LRRC8D: variants seen among roughly 807,000 people sequenced by gnomAD.
The protein encoded by LRRC8D is volume-regulated anion channel subunit LRRC8D.
In LRRC8D, 20 loss-of-function variants were observed where a neutral mutation model predicts 55.8. That is an observed-to-expected ratio of 0.36 (90% CI 0.25 to 0.52). LRRC8D has a LOEUF of 0.52. Among genes scored for constraint, LRRC8D ranks in the 20% least tolerant of loss-of-function variants. LRRC8D has a pLI of 0.93. For missense variants in LRRC8D, 651 were observed against 1,030.8 expected (o/e 0.63, Z 5.05); for synonymous variants, 352 against 377.0 (o/e 0.93, Z 0.77).
At chr1:89,881,505 A>G (rs1370973443) in intron 2 of LRRC8D, among the ~76,000 whole-genome samples, 1 of 152,164 alleles carries the variant, frequency 6.6e-6, no homozygotes, top group East Asian at 1.9e-4. Flanking sequence ...TTCTCCAAAC[A>G]TGTTCAGCAG....
Position 89,886,907 on chromosome 1 carries a change from C to G in LRRC8D, c.-3+43125C>G, listed in dbSNP as rs1349283218. Among the ~76,000 whole-genome samples, 4 of 152,016 alleles carry G rather than the reference C, an allele frequency of 2.6e-5. No individual in the cohort carries two copies. The South Asian group carries it at 8.3e-4, about 31-fold the overall frequency. The stretch of plus-strand genomic sequence containing the variant: ...CATTAACTTTATAATCAAAAAGTCA[C>G]TTTTTAAAAAGACATTTTTAAAATG... On this transcript the variant is annotated intron_variant, in intron 2 of 2. Transcript: ENST00000337338.
At chr1:89,825,460 G>T (rs1003054204) in intron 1 of LRRC8D, among the ~76,000 whole-genome samples, 8 of 152,220 alleles carry the variant, frequency 5.3e-5, no homozygotes, top group African/African-American at 1.7e-4. Context: ...AATGTTTTGT[G>T]CAAATCTGAA....
chr1:89,901,043 C>T (rs930410796), intron 2 of LRRC8D, among the ~76,000 whole-genome samples: 1 of 152,222 alleles, frequency 6.6e-6, no homozygotes, highest in Non-Finnish European at 1.5e-5. Context: ...CCCTGGGAAA[C>T]AGACTGTGAC....
intron 2 of LRRC8D, among the ~76,000 whole-genome samples, chr1:89,919,455 G>A (rs540063461): frequency 1.3e-5 from 2 of 152,274 alleles, no homozygotes; most frequent in African/African-American, 2.4e-5. Flanking sequence ...TGGGTGTCAG[G>A]GATATGCTAT....
At chr1:89,830,580 T>C (rs941351719) in intron 1 of LRRC8D, among the ~76,000 whole-genome samples, 2 of 152,172 alleles carry the variant, frequency 1.3e-5, no homozygotes, top group African/African-American at 4.8e-5. Flanking sequence ...AGAGATGATT[T>C]GTGGCAGCAG....
rs183656672 is a variant in LRRC8D, at chr1:89,840,473, G to A, written c.-147-3165G>A. 9.2e-5 allele frequency among the ~76,000 whole-genome samples: 14 copies of A among 152,316 alleles called. No homozygotes were observed. The East Asian group carries it at 2.7e-3, about 29-fold the overall frequency. ...GGAGGAGGGTTTGGGTTTATAGGGA[G>A]CCTAAGAAAGAGAAATGTGGCTGCC... On this transcript the variant is annotated intron_variant, in intron 1 of 2. Transcript: ENST00000337338.
intron 2 of LRRC8D, among the ~76,000 whole-genome samples, chr1:89,877,860 C>G (rs1662184829): frequency 6.6e-6 from 1 of 152,170 alleles, no homozygotes; most frequent in Admixed American, 6.5e-5. Flanking sequence ...TGTTCCTAAG[C>G]AGGAATCATA....
intron 2 of LRRC8D, among the ~76,000 whole-genome samples, chr1:89,870,919 T>C (rs1437122875): frequency 6.6e-6 from 1 of 152,230 alleles, no homozygotes; most frequent in Non-Finnish European, 1.5e-5. Flanking sequence ...GGATTTAAAT[T>C]TGGGTAATTT....
intron 2 of LRRC8D, among the ~76,000 whole-genome samples, chr1:89,901,731 T>G (rs1355399460): frequency 6.6e-6 from 1 of 152,254 alleles, no homozygotes; most frequent in Non-Finnish European, 1.5e-5. Context: ...TATTTGCTGC[T>G]TAAAGAAATA....
At chr1:89,916,673 C>CT (rs1663276476) in intron 2 of LRRC8D, among the ~76,000 whole-genome samples, 1 of 151,958 alleles carries the variant, frequency 6.6e-6, no homozygotes, top group South Asian at 2.1e-4. Flanking sequence ...TTTTGATTTT[C>CT]TTGCTTTTCT....
At chr1:89,836,320 A>G (rs1661004667) in intron 1 of LRRC8D, among the ~76,000 whole-genome samples, 1 of 152,242 alleles carries the variant, frequency 6.6e-6, no homozygotes, top group African/African-American at 2.4e-5. Context: ...GAAATTAGAA[A>G]TTATAATTTA....
intron 1 of LRRC8D, among the ~76,000 whole-genome samples, chr1:89,839,611 G>C (rs1332471891): frequency 6.6e-6 from 1 of 152,158 alleles, no homozygotes; most frequent in Non-Finnish European, 1.5e-5. Flanking sequence ...CAGCCAGTTG[G>C]CTCTGCGAAA....
rs372023204 is a variant in LRRC8D at position 89,914,741 on chromosome 1, A to T, written c.-2-18326A>T. ...CATTTATACACTTTATTGTCTTTTT[A>T]AAAATTTTTTACATATAGTGAAGAT... On this transcript the variant is annotated intron_variant, in intron 2 of 2. Coordinates refer to ENST00000337338, the MANE Select transcript of LRRC8D (RefSeq NM_001134479.2). Among the ~76,000 whole-genome samples the T allele has an allele frequency of 6.5e-4, 87 of 134,272 alleles. No individual in the cohort carries two copies. The South Asian group carries it at 0.015, about 23-fold the overall frequency. The allele number at this position is 134,272 out of a possible 152,430, so 88.1% of individuals were successfully genotyped here.
chr1:89,866,924 C>T (rs994187175), intron 2 of LRRC8D, among the ~76,000 whole-genome samples: 2 of 152,134 alleles, frequency 1.3e-5, no homozygotes, highest in Non-Finnish European at 2.9e-5. Flanking sequence ...GGTGTGATGT[C>T]GACCCCAAAG....
At chr1:89,865,474 C>A (rs1661820377) in intron 2 of LRRC8D, among the ~76,000 whole-genome samples, 1 of 151,558 alleles carries the variant, frequency 6.6e-6, no homozygotes, top group South Asian at 2.1e-4. Context: ...TTTTTGCCAA[C>A]ACTAAATCAC....
intron 2 of LRRC8D, among the ~76,000 whole-genome samples, chr1:89,901,000 G>C (rs1185816958): frequency 2.6e-5 from 4 of 152,212 alleles, no homozygotes; most frequent in African/African-American, 9.7e-5. Context: ...ACGTTATCAA[G>C]TGTACTCTAC....
chr1:89,871,636 C>T (rs926654994), intron 2 of LRRC8D, among the ~76,000 whole-genome samples: 24 of 152,196 alleles, frequency 1.6e-4, no homozygotes, highest in African/African-American at 5.1e-4. Flanking sequence ...CTACTGTTTA[C>T]AGGAATACTA....
At chr1:89,900,933 G>C (rs1662833681) in intron 2 of LRRC8D, among the ~76,000 whole-genome samples, 1 of 152,206 alleles carries the variant, frequency 6.6e-6, no homozygotes, top group Non-Finnish European at 1.5e-5. Context: ...CTGGAGGCCA[G>C]AGGGGTCAGG....
At chr1:89,877,074 A>C (rs1179903191) in intron 2 of LRRC8D, among the ~76,000 whole-genome samples, 2 of 152,272 alleles carry the variant, frequency 1.3e-5, no homozygotes, top group Non-Finnish European at 2.9e-5. Context: ...GCAGAACTGC[A>C]GAACTAAAGT....
Sources: gnomAD v4.1 joint callset for allele counts (sites outside exome capture counted in the v4.1 genomes callset) on GRCh38, gnomAD v4.1.1 for gene constraint, MANE v1.5 for transcripts, NCBI Gene and HGNC (gene_info 2026-07-23, HGNC 2026-07-21) for gene names.